The following NEK7 variants were observed in gnomAD, a reference collection of about 807,000 sequenced individuals.
NEK7 encodes NIMA related kinase 7.
A neutral mutation model predicts 44.6 loss-of-function variants in NEK7; 18 were observed. The ratio of observed to expected loss-of-function variants is 0.40; its 90% CI spans 0.28 to 0.60. The LOEUF (loss-of-function observed/expected upper bound fraction) is 0.60, where lower values mean the gene tolerates loss of function less well. NEK7 is among the 20% of genes least tolerant of loss of function. The probability of loss-of-function intolerance (pLI) is 0.38; values close to 1 mark genes in which losing one functional copy is unlikely to be tolerated. For missense variants in NEK7, 256 were observed against 366.5 expected, an observed-to-expected ratio of 0.70 and a Z score of 2.46; for synonymous variants, 130 against 121.1, an observed-to-expected ratio of 1.07 and a Z score of -0.48.
chr1:198,313,693 T>C lies in NEK7; in HGVS notation c.799-5719T>C, dbSNP rs1247659888. On this transcript the variant is annotated intron_variant, in intron 9 of 9. Coordinates refer to ENST00000367385, the MANE Select transcript of NEK7 (RefSeq NM_133494.3). ...GTAAAGTATTTTATTTCTCCTTCAC[T>C]TATGAAGCTTAGTTTGGCTGGATAT... is the stretch of plus-strand genomic sequence containing the variant. Among the ~76,000 whole-genome samples, 26 of 136,234 alleles carry C rather than the reference T, an allele frequency of 1.9e-4. No homozygotes were observed. In the South Asian group the frequency reaches 6.8e-3, roughly 36 times the overall value. 89.4% of individuals were successfully genotyped at this position (136,234 alleles called of 152,430 possible). A position where few individuals can be genotyped will look rare whatever the true frequency, so the allele number is the denominator to read the frequency against.
intron 1 of NEK7, among the ~76,000 whole-genome samples, chr1:198,159,936 T>G (rs1938372): frequency 3.3e-5 from 5 of 152,126 alleles, no homozygotes; most frequent in Non-Finnish European, 7.4e-5. Flanking sequence ...CATAAGGACC[T>G]CATGCCCCAA....
chr1:198,213,020 C>T (rs1665821138), intron 1 of NEK7, among the ~76,000 whole-genome samples: 1 of 152,214 alleles, frequency 6.6e-6, no homozygotes, highest in Non-Finnish European at 1.5e-5. Flanking sequence ...AAGGAAATCT[C>T]AGTATCTACA....
intron 7 of NEK7, among the ~76,000 whole-genome samples, chr1:198,289,012 G>T (rs1043748466): frequency 6.6e-6 from 1 of 152,064 alleles, no homozygotes; most frequent in Non-Finnish European, 1.5e-5. Flanking sequence ...ATTGACCTCA[G>T]TTAATACTAC....
intron 1 of NEK7, among the ~76,000 whole-genome samples, chr1:198,203,740 C>A (rs892076051): frequency 6.6e-6 from 1 of 152,164 alleles, no homozygotes; most frequent in Non-Finnish European, 1.5e-5. Flanking sequence ...GAACCTCACC[C>A]CCCACATCTA....
intron 1 of NEK7, among the ~76,000 whole-genome samples, chr1:198,187,950 A>T (rs1450478741): frequency 4.6e-5 from 7 of 152,190 alleles, no homozygotes; most frequent in Non-Finnish European, 1.0e-4. Context: ...ATTGATTTCC[A>T]TGGAGGAATC....
chr1:198,196,209 A>G (rs1665232054), intron 1 of NEK7, among the ~76,000 whole-genome samples: 1 of 152,228 alleles, frequency 6.6e-6, no homozygotes, highest in South Asian at 2.1e-4. Flanking sequence ...ACCAATGTCT[A>G]CAAAGCTGTA....
intron 2 of NEK7, among the ~76,000 whole-genome samples, chr1:198,244,814 GA>G (rs996096380): frequency 4.7e-5 from 7 of 147,452 alleles, no homozygotes; most frequent in Admixed American, 2.0e-4. Flanking sequence ...ATAAAAAGCT[GA>G]AAAAAAAAAC....
intron 1 of NEK7, among the ~76,000 whole-genome samples, chr1:198,201,582 A>G (rs10922375): frequency 3.3e-4 from 50 of 152,352 alleles, no homozygotes; most frequent in African/African-American, 1.1e-3. Context: ...TTAGCAAACT[A>G]AAGTGATTCA....
At chr1:198,272,189 A>G (rs901011367) in intron 5 of NEK7, among the ~76,000 whole-genome samples, 1 of 151,756 alleles carries the variant, frequency 6.6e-6, no homozygotes, top group Non-Finnish European at 1.5e-5. Context: ...AATGACCATT[A>G]TTTAATTCTG....
intron 3 of NEK7, among the ~76,000 whole-genome samples, chr1:198,254,175 A>G (rs983682657): frequency 2.6e-5 from 4 of 152,084 alleles, no homozygotes; most frequent in African/African-American, 4.8e-5. Flanking sequence ...GATTTATAAA[A>G]GGTTTTATCT....
intron 7 of NEK7, among the ~76,000 whole-genome samples, chr1:198,284,949 G>A (rs1231682476): frequency 6.6e-6 from 1 of 152,000 alleles, no homozygotes; most frequent in African/African-American, 2.4e-5. Context: ...TTTAAAGCAC[G>A]TTTTCTCCTC....
chr1:198,181,661 TAA>T (rs534955468), intron 1 of NEK7, among the ~76,000 whole-genome samples: 182 of 152,228 alleles, frequency 1.2e-3, no homozygotes, highest in African/African-American at 4.2e-3. Flanking sequence ...ATAACAATGA[TAA>T]GATTACTGAA....
At chr1:198,175,093 T>C (rs1011440764) in intron 1 of NEK7, among the ~76,000 whole-genome samples, 4 of 152,182 alleles carry the variant, frequency 2.6e-5, no homozygotes, top group Admixed American at 2.0e-4. Flanking sequence ...TTATGGTTTA[T>C]TGTAAACTGT....
intron 1 of NEK7, among the ~76,000 whole-genome samples, chr1:198,179,810 T>C (rs1664707155): frequency 7.4e-6 from 1 of 134,320 alleles, no homozygotes; most frequent in African/African-American, 2.6e-5. Context: ...TGTGTGTGTG[T>C]GTGTATGTAT....
At chr1:198,309,992 A>T (rs971261309) in intron 9 of NEK7, among the ~76,000 whole-genome samples, 2 of 151,674 alleles carry the variant, frequency 1.3e-5, no homozygotes, top group African/African-American at 4.8e-5. Flanking sequence ...TGGTATTTCT[A>T]GTTCTAGATC....
intron 9 of NEK7, among the ~76,000 whole-genome samples, chr1:198,313,965 T>A (rs1655270029): frequency 6.6e-6 from 1 of 151,304 alleles, no homozygotes; most frequent in African/African-American, 2.4e-5. Context: ...ATTTCCTGAA[T>A]CTGAATGTTG....
chr1:198,165,198 G>C (rs1017806581), intron 1 of NEK7, among the ~76,000 whole-genome samples: 3 of 152,046 alleles, frequency 2.0e-5, no homozygotes, highest in African/African-American at 7.2e-5. Context: ...ATGAGGGTTG[G>C]AATCAACTTC....
At chr1:198,279,535 GAT>G (rs1181206915) in intron 7 of NEK7, among the ~76,000 whole-genome samples, 49 of 152,024 alleles carry the variant, frequency 3.2e-4, no homozygotes, top group South Asian at 2.3e-3. Context: ...TAAAAGGAGT[GAT>G]AGGGCTTATC....
chr1:198,179,000 T>C lies in NEK7; in HGVS notation c.-29+21724T>C, dbSNP rs1179342321. Among the ~76,000 whole-genome samples, 75 of 142,226 alleles carry C rather than the reference T, an allele frequency of 5.3e-4. No individual in the cohort carries two copies. The South Asian group carries it at 6.6e-3, about 13-fold the overall frequency. 93.3% of individuals were successfully genotyped at this position (142,226 alleles called of 152,430 possible). A position where few individuals can be genotyped will look rare whatever the true frequency, so the allele number is the denominator to read the frequency against. ...TTGATACCATTTGATACCCCCCCCC[T>C]TTTTTTTTTAAGGAAAAGCCTCTTA... On this transcript the variant is annotated intron_variant, in intron 1 of 9. Coordinates refer to ENST00000367385, the MANE Select transcript of NEK7 (RefSeq NM_133494.3).
Sources: gnomAD v4.1 joint callset for allele counts (sites outside exome capture counted in the v4.1 genomes callset) on GRCh38, gnomAD v4.1.1 for gene constraint, MANE v1.5 for transcripts, NCBI Gene and HGNC (gene_info 2026-07-23, HGNC 2026-07-21) for gene names.